The following SGCZ variants were observed in gnomAD, a reference collection of about 807,000 sequenced individuals.
The protein encoded by SGCZ is zeta-sarcoglycan.
Under a neutral mutation model 41.3 loss-of-function variants are expected in SGCZ, and 40 were observed. The ratio of observed to expected loss-of-function variants is 0.97; its 90% confidence interval spans 0.75 to 1.26. The LOEUF (loss-of-function observed/expected upper bound fraction) is 1.26, where lower values mean the gene tolerates loss of function less well. SGCZ is among the 50% of genes most tolerant of loss of function. The probability of loss-of-function intolerance (pLI) is 0.00; values close to 1 mark genes in which losing one functional copy is unlikely to be tolerated. For missense variants in SGCZ, 552 were observed against 369.8 expected, an observed-to-expected ratio of 1.49 and a Z score of -4.04; for synonymous variants, 206 against 137.5, an observed-to-expected ratio of 1.50 and a Z score of -3.49.
intron 1 of SGCZ, among the ~76,000 whole-genome samples, chr8:14,560,003 T>G (rs550630420): frequency 1.3e-5 from 2 of 152,054 alleles, no homozygotes; most frequent in Non-Finnish European, 2.9e-5. Flanking sequence ...CCTGAGGAAT[T>G]TGGTAGAAAT....
At chr8:14,325,463 T>A (rs1563258210) in intron 2 of SGCZ, among the ~76,000 whole-genome samples, 2 of 147,976 alleles carry the variant, frequency 1.4e-5, no homozygotes, top group African/African-American at 4.9e-5. Flanking sequence ...GTAAAATTGG[T>A]TATATATATA....
chr8:15,232,514 A>G (rs946070366), intron 1 of SGCZ, among the ~76,000 whole-genome samples: 4 of 151,842 alleles, frequency 2.6e-5, no homozygotes, highest in Non-Finnish European at 5.9e-5. Flanking sequence ...ACTCATATCA[A>G]GTATGTTCCC....
chr8:15,093,000 T>C (rs1806207172), intron 1 of SGCZ, among the ~76,000 whole-genome samples: 2 of 152,140 alleles, frequency 1.3e-5, no homozygotes, highest in Non-Finnish European at 2.9e-5. Context: ...AATACACGCT[T>C]TTAGTATCAC....
intron 1 of SGCZ, among the ~76,000 whole-genome samples, chr8:15,156,961 A>AAAAAG (rs1554468048): frequency 5.3e-5 from 8 of 150,488 alleles, no homozygotes; most frequent in African/African-American, 2.0e-4. Context: ...AAAAAAAAAG[A>AAAAAG]AAAGAAAAAG....
Position 15,097,753 on chromosome 8 carries a change from C to T in SGCZ, c.39+139832G>A, listed in dbSNP as rs199886363. Among the ~76,000 whole-genome samples the T allele has an allele frequency of 9.5e-4, 50 of 52,818 alleles. 1 individual carries two copies. Among genetic ancestry groups the T allele is most frequent in the Non-Finnish European group, 1.7e-3 (38 of 22,574 alleles). 34.7% of individuals were successfully genotyped at this position (52,818 alleles called of 152,430 possible). Reference sequence around the variant, plus strand: ...AAAAAAAAATATATATATATATACACGTATATATGTGTTTATATATATATA... The same window carrying T: ...AAAAAAAAATATATATATATATACATGTATATATGTGTTTATATATATATA... On this transcript the variant is annotated intron_variant, in intron 1 of 7. Transcript: ENST00000382080.
At chr8:14,238,715 T>C (rs890661431) in intron 3 of SGCZ, among the ~76,000 whole-genome samples, 2 of 152,126 alleles carry the variant, frequency 1.3e-5, no homozygotes, top group African/African-American at 4.8e-5. Context: ...TAAATATTCA[T>C]TGCATACTCA....
At chr8:14,974,119 C>T (rs570874351) in intron 1 of SGCZ, among the ~76,000 whole-genome samples, 1 of 152,258 alleles carries the variant, frequency 6.6e-6, no homozygotes, top group South Asian at 2.1e-4. Flanking sequence ...GCAAAATCAG[C>T]TTTGAAACTG....
At chr8:14,929,005 T>G (rs1485682221) in intron 1 of SGCZ, among the ~76,000 whole-genome samples, 1 of 152,166 alleles carries the variant, frequency 6.6e-6, no homozygotes, top group Non-Finnish European at 1.5e-5. Context: ...ACTTATTTAT[T>G]TTTTCAGACA....
chr8:14,830,726 G>C (rs767824294), intron 1 of SGCZ, among the ~76,000 whole-genome samples: 87 of 151,818 alleles, frequency 5.7e-4, no homozygotes, highest in Middle Eastern at 3.2e-3. Flanking sequence ...TTCCCAGTTG[G>C]TTATATTACA....
intron 1 of SGCZ, among the ~76,000 whole-genome samples, chr8:14,581,838 T>G (rs948506167): frequency 6.6e-6 from 1 of 152,188 alleles, no homozygotes; most frequent in African/African-American, 2.4e-5. Context: ...ACTCTTTAAT[T>G]AGTTGCTTTT....
intron 2 of SGCZ, among the ~76,000 whole-genome samples, chr8:14,376,633 C>G (rs868857610): frequency 6.6e-6 from 1 of 151,968 alleles, no homozygotes; most frequent in South Asian, 2.1e-4. Flanking sequence ...TGTTCCAGAG[C>G]ATAGAAGCTA....
intron 2 of SGCZ, among the ~76,000 whole-genome samples, chr8:14,372,050 G>C (rs1803932159): frequency 6.6e-6 from 1 of 151,948 alleles, no homozygotes; most frequent in Non-Finnish European, 1.5e-5. Flanking sequence ...ATATGGACTA[G>C]AATAAACTAG....
chr8:15,034,517 G>C (rs756425915), intron 1 of SGCZ, among the ~76,000 whole-genome samples: 31 of 152,038 alleles, frequency 2.0e-4, no homozygotes, highest in Non-Finnish European at 4.3e-4. Context: ...GGAGAAGAGA[G>C]AAATAAAGAG....
chr8:14,221,659 G>A (rs150419467), intron 4 of SGCZ, among the ~76,000 whole-genome samples: 394 of 152,106 alleles, frequency 2.6e-3, no homozygotes, highest in African/African-American at 9.2e-3. Context: ...AGTGGGGTCG[G>A]GTGTGGTGGC....
At chr8:15,092,097 A>G (rs1806174720) in intron 1 of SGCZ, among the ~76,000 whole-genome samples, 1 of 152,120 alleles carries the variant, frequency 6.6e-6, no homozygotes, top group African/African-American at 2.4e-5. Context: ...TACACTAAAA[A>G]CAGCTATATA....
chr8:14,595,889 T>G (rs1805396266), intron 1 of SGCZ, among the ~76,000 whole-genome samples: 1 of 152,116 alleles, frequency 6.6e-6, no homozygotes, highest in African/African-American at 2.4e-5. Flanking sequence ...CTATGTCAGT[T>G]TAACTGAAGA....
rs527666781 is a variant in SGCZ at position 14,089,237 on chromosome 8, C to T, written c.*1206G>A. On this transcript the variant is annotated 3_prime_UTR_variant, in exon 8 of 8. Coordinates refer to ENST00000382080, the MANE Select transcript of SGCZ (RefSeq NM_139167.4). ...TCTAATAAAAGTAAATATATGTTAACAGCTGAATAGAAATGGGACTAAATT... is the reference window on the plus strand; with the variant it reads ...TCTAATAAAAGTAAATATATGTTAATAGCTGAATAGAAATGGGACTAAATT... 6.6e-6 allele frequency among the ~76,000 whole-genome samples: 1 copy of T among 152,022 alleles called. No individual in the cohort carries two copies. The highest frequency in any genetic ancestry group is 2.4e-5 in the African/African-American group (1 of 41,540).
At chr8:14,690,555 A>T (rs1473863539) in intron 1 of SGCZ, 1 of 152,232 alleles carries the variant, frequency 6.6e-6, no homozygotes. Context: ...AGCAACGACC[A>T]AGAATGACAC....
intron 5 of SGCZ, among the ~76,000 whole-genome samples, chr8:14,113,356 G>C (rs758630652): frequency 2.6e-4 from 39 of 151,988 alleles, no homozygotes; most frequent in African/African-American, 7.7e-4. Flanking sequence ...TGTAGTACTT[G>C]TCTTTAAACT....
Sources: gnomAD v4.1 joint callset for allele counts (sites outside exome capture counted in the v4.1 genomes callset) on GRCh38, gnomAD v4.1.1 for gene constraint, MANE v1.5 for transcripts, NCBI Gene and HGNC (gene_info 2026-07-23, HGNC 2026-07-21) for gene names.